RNF130: variants seen among roughly 807,000 people sequenced by gnomAD.
RNF130 encodes E3 ubiquitin-protein ligase RNF130.
A neutral mutation model predicts 44.6 loss-of-function variants in RNF130; 21 were observed. The ratio of observed to expected loss-of-function variants is 0.47; its 90% CI spans 0.33 to 0.68. The LOEUF (loss-of-function observed/expected upper bound fraction) is 0.68. Ranked by LOEUF, RNF130 falls within the 30% of genes least tolerant of loss-of-function variation. The probability of loss-of-function intolerance (pLI) is 0.02; values close to 1 mark genes in which losing one functional copy is unlikely to be tolerated. For synonymous variants in RNF130, 214 were observed against 210.4 expected (o/e 1.02, Z -0.15); for missense variants, 479 against 560.6 (o/e 0.85, Z 1.47).
intron 2 of RNF130, among the ~76,000 whole-genome samples, chr5:180,037,089 G>A (rs1582209257): frequency 6.6e-6 from 1 of 152,212 alleles, no homozygotes; most frequent in Admixed American, 6.5e-5. Context: ...ACTTATTCAT[G>A]TAAATACATG....
At chr5:179,978,399 C>G (rs27019) in intron 4 of RNF130, 114 bp from the exon 5 acceptor site, 287,233 of 680,488 alleles carry the variant, frequency 0.42, 62,610 homozygotes, top group African/African-American at 0.68. Flanking sequence ...GTGTTATAAA[C>G]TGAAAAATGA....
intron 7 of RNF130, among the ~76,000 whole-genome samples, chr5:179,943,971 G>T (rs1445401026): frequency 6.6e-6 from 1 of 151,620 alleles, no homozygotes; most frequent in Non-Finnish European, 1.5e-5. Flanking sequence ...TTATTTCTGA[G>T]AAATTTTTTT....
chr5:179,964,602 A>G (rs762397815), intron 7 of RNF130, among the ~76,000 whole-genome samples: 6 of 152,196 alleles, frequency 3.9e-5, no homozygotes, highest in African/African-American at 7.2e-5. Context: ...GTGTTTCTCA[A>G]TCTGGGTTCC....
chr5:180,015,986 A>G (rs1275893837), intron 2 of RNF130, among the ~76,000 whole-genome samples: 3 of 152,158 alleles, frequency 2.0e-5, no homozygotes, highest in Non-Finnish European at 4.4e-5. Context: ...CCTGCTCTTG[A>G]TGCAAAAATC....
chr5:180,015,688 A>AGGAAAGGAGTAG (rs1219522336), intron 2 of RNF130, among the ~76,000 whole-genome samples: 1 of 135,096 alleles, frequency 7.4e-6, no homozygotes, highest in African/African-American at 2.9e-5. Flanking sequence ...GGAAAGGAGT[A>AGGAAAGGAGTAG]GGAAAGGAGT....
intron 4 of RNF130, among the ~76,000 whole-genome samples, 199 bp downstream of exon 4, chr5:179,979,930 G>C (rs749392011): frequency 3.3e-5 from 5 of 152,154 alleles, no homozygotes; most frequent in Non-Finnish European, 5.9e-5. Context: ...TGCATGCTAG[G>C]TTTTAGCAGA....
rs554644742 is a variant in RNF130, at chr5:179,977,386, C to T, written c.848+817G>A. On this transcript the variant is annotated intron_variant, in intron 5 of 8. Coordinates refer to ENST00000521389, the MANE Select transcript of RNF130 (RefSeq NM_018434.6). The surrounding 1 kb of genome is among the most constrained non-coding windows in gnomAD (Gnocchi z 4.1). ...TCACTGAAGGGCTTGGAGATGTAGT[C>T]TAAGATGGAGAGGAACAAGGGGCTG... The T allele has an allele frequency of 6.6e-6, 1 of 152,322 alleles. No homozygotes were observed. Among genetic ancestry groups the T allele is most frequent in the African/African-American group, 2.4e-5 (1 of 41,554 alleles). The allele number at this position is 152,322 out of a possible 1,614,324, so 9.4% of individuals were successfully genotyped here.
intron 2 of RNF130, among the ~76,000 whole-genome samples, chr5:180,028,357 T>C (rs1022919139): frequency 7.9e-5 from 12 of 152,182 alleles, no homozygotes; most frequent in African/African-American, 2.2e-4. Context: ...ACAATTAGCA[T>C]ATAGAATCCA....
chr5:180,003,223 G>C (rs970957548), intron 3 of RNF130, among the ~76,000 whole-genome samples: 2 of 152,116 alleles, frequency 1.3e-5, no homozygotes, highest in African/African-American at 4.8e-5. Context: ...GGCACGAAGA[G>C]GGGGGTTTGA....
At chr5:180,061,372 T>A (rs76281164) in intron 1 of RNF130, among the ~76,000 whole-genome samples, 5,778 of 152,290 alleles carry the variant, frequency 0.038, 146 homozygotes, top group South Asian at 0.093. Flanking sequence ...CCTGCATGCC[T>A]GTGTTCAACG....
chr5:179,967,889 G>A (rs964568430), intron 6 of RNF130, among the ~76,000 whole-genome samples: 2 of 152,222 alleles, frequency 1.3e-5, no homozygotes, highest in Admixed American at 6.5e-5. Flanking sequence ...CTCACACCCA[G>A]TTAAAAGAGG....
chr5:179,943,547 G>A (rs1050359330), intron 7 of RNF130, among the ~76,000 whole-genome samples: 1 of 152,246 alleles, frequency 6.6e-6, no homozygotes, highest in East Asian at 1.9e-4. Flanking sequence ...GAAGAAAAAG[G>A]GGATAAAGAG....
At chr5:179,986,168 G>T (rs1103811) in intron 3 of RNF130, among the ~76,000 whole-genome samples, 1 of 152,020 alleles carries the variant, frequency 6.6e-6, no homozygotes, top group South Asian at 2.1e-4. Context: ...GCTGCAAAAG[G>T]TATTTAGCAA....
chr5:180,001,970 T>G (rs759645607), intron 3 of RNF130, among the ~76,000 whole-genome samples: 14 of 152,224 alleles, frequency 9.2e-5, no homozygotes, highest in Non-Finnish European at 1.9e-4. Context: ...ATCCCTGGCA[T>G]GCACAACTGC....
At chr5:180,037,452 G>A (rs562796142) in intron 2 of RNF130, among the ~76,000 whole-genome samples, 6 of 152,292 alleles carry the variant, frequency 3.9e-5, no homozygotes, top group African/African-American at 7.2e-5. Flanking sequence ...CCTCCAACCC[G>A]CACTCAGGAG....
At chr5:179,926,799 T>C (rs1409711339) in intron 7 of RNF130, among the ~76,000 whole-genome samples, 1 of 152,226 alleles carries the variant, frequency 6.6e-6, no homozygotes, top group Non-Finnish European at 1.5e-5. Flanking sequence ...GCGCTGGGCA[T>C]TGGACGTGGA....
At chr5:179,954,541 T>TAGATTTCC (rs1459959469), downstream of RNF130, among the ~76,000 whole-genome samples, 1 of 152,110 alleles carries the variant, frequency 6.6e-6, no homozygotes, top group Non-Finnish European at 1.5e-5. Context: ...AAACAATGAG[T>TAGATTTCC]AGATTTCCAG....
chr5:179,918,251 T>G (rs567561445), exon 8 of RNF130: 20 of 152,292 alleles, frequency 1.3e-4, no homozygotes, highest in Non-Finnish European at 2.8e-4. Flanking sequence ...GCCCCAGATT[T>G]CCCAGAAATT....
intron 3 of RNF130, among the ~76,000 whole-genome samples, chr5:179,997,354 C>T (rs1204246025): frequency 6.6e-6 from 1 of 151,672 alleles, no homozygotes; most frequent in Non-Finnish European, 1.5e-5. Flanking sequence ...GATGGAGTCT[C>T]GCTCTGTCAC....
Sources: allele counts gnomAD v4.1 joint callset (sites outside exome capture counted in the v4.1 genomes callset), GRCh38; gene constraint gnomAD v4.1.1; non-coding constraint Gnocchi (gnomAD v3.1); transcripts MANE v1.5; gene names NCBI Gene and HGNC (gene_info 2026-07-23, HGNC 2026-07-21).